The following SCN2B variants were observed in gnomAD, a reference collection of about 807,000 sequenced individuals.
SCN2B encodes the protein sodium channel regulatory subunit beta-2.
A neutral mutation model predicts 18.2 loss-of-function variants in SCN2B; 14 were observed. That is an observed-to-expected ratio of 0.77 (90% CI 0.51 to 1.21). SCN2B has a LOEUF of 1.21. Ranked by LOEUF, SCN2B falls within the 50% of genes most tolerant of loss-of-function variation. The pLI is 0.00. For synonymous variants in SCN2B, 115 were observed against 115.3 expected (o/e 1.00, Z 0.02); for missense variants, 262 against 286.9 (o/e 0.91, Z 0.63).
chr11:118,164,867 C>T lies in SCN2B; in HGVS notation c.*2020G>A, dbSNP rs1436011113. Reference sequence around the variant, plus strand: ...TGAATCTCCCAGATGATATTGCTGTCTCCCCAAATTGGCAATCTGATGGGC... The same window carrying T: ...TGAATCTCCCAGATGATATTGCTGTTTCCCCAAATTGGCAATCTGATGGGC... On this transcript the variant is annotated 3_prime_UTR_variant, in exon 4 of 4. Coordinates refer to ENST00000278947, the MANE Select transcript of SCN2B (RefSeq NM_004588.5). 6.5e-6 allele frequency: 1 copy of T among 152,818 alleles called. No individual in the cohort carries two copies. The highest frequency in any genetic ancestry group is 1.9e-4 in the East Asian group (1 of 5,186). The allele number at this position is 152,818 out of a possible 1,614,324, so 9.5% of individuals were successfully genotyped here.
chr11:118,171,233 TG>T (rs1948428872), intron 1 of SCN2B, among the ~76,000 whole-genome samples: 1 of 152,186 alleles, frequency 6.6e-6, no homozygotes, highest in African/African-American at 2.4e-5. Flanking sequence ...ATTCCAGGTG[TG>T]AGCTTAAGTG....
chr11:118,171,258 T>C (rs1948429134), intron 1 of SCN2B, among the ~76,000 whole-genome samples: 1 of 152,110 alleles, frequency 6.6e-6, no homozygotes, highest in Admixed American at 6.5e-5. Context: ...ATTAGGGGAA[T>C]AAGGACTGGG....
At chr11:118,171,109 T>C (rs1948427858) in intron 1 of SCN2B, among the ~76,000 whole-genome samples, 1 of 152,164 alleles carries the variant, frequency 6.6e-6, no homozygotes, top group Non-Finnish European at 1.5e-5. Context: ...AGAGATTCTC[T>C]GAACTGGCAG....
chr11:118,173,149 C>G (rs552586969), intron 1 of SCN2B, among the ~76,000 whole-genome samples: 1 of 152,282 alleles, frequency 6.6e-6, no homozygotes, highest in South Asian at 2.1e-4. Context: ...AGTCCAGGCT[C>G]CTGGGCACAG....
rs1948348678 is a variant in SCN2B at position 118,163,366 on chromosome 11, C to T, written c.*3521G>A. The stretch of plus-strand genomic sequence containing the variant: ...TCCTTTTGGACCTGCCCAGTATTTT[C>T]AATTGTCTGTCTGCTTAACCTGACC... On this transcript the variant is annotated 3_prime_UTR_variant, in exon 4 of 4. Coordinates refer to ENST00000278947, the MANE Select transcript of SCN2B (RefSeq NM_004588.5). 1 of 152,528 alleles carries T rather than the reference C, an allele frequency of 6.6e-6. No individual in the cohort carries two copies. The highest frequency in any genetic ancestry group is 2.1e-4 in the South Asian group (1 of 4,834). The allele number at this position is 152,528 out of a possible 1,614,324, so 9.4% of individuals were successfully genotyped here.
At chr11:118,167,353 A>G (rs779860346) in intron 3 of SCN2B, among the ~76,000 whole-genome samples, 9 of 152,354 alleles carry the variant, frequency 5.9e-5, no homozygotes, top group Non-Finnish European at 1.2e-4. Flanking sequence ...TTTGAGTCCT[A>G]ATTGTACAAC....
At chr11:118,174,095 T>TGTTTTTTTTTTTTTG (rs56848852) in intron 1 of SCN2B, among the ~76,000 whole-genome samples, 1 of 117,906 alleles carries the variant, frequency 8.5e-6, no homozygotes, top group African/African-American at 3.5e-5. Context: ...TCTTTTCTTT[T>TGTTTTTTTTTTTTTG]TTTTTTTTTT....
intron 1 of SCN2B, among the ~76,000 whole-genome samples, chr11:118,170,001 C>T (rs1316659217): frequency 3.9e-5 from 6 of 152,246 alleles, no homozygotes; most frequent in African/African-American, 1.4e-4. Flanking sequence ...CCTCAAGAAC[C>T]TTATCTCAGA....
intron 1 of SCN2B, among the ~76,000 whole-genome samples, chr11:118,173,334 C>T (rs991380061): frequency 1.1e-4 from 17 of 152,238 alleles, no homozygotes; most frequent in African/African-American, 3.4e-4. Flanking sequence ...GGTTGAGAAG[C>T]TCATTTGCCC....
chr11:118,169,211 T>C lies in SCN2B; in HGVS notation c.71-460A>G, dbSNP rs1199561831. Among the ~76,000 whole-genome samples, 4 of 152,094 alleles carry C rather than the reference T, an allele frequency of 2.6e-5. No individual in the cohort carries two copies. The South Asian group carries it at 6.2e-4, about 24-fold the overall frequency. The stretch of plus-strand genomic sequence containing the variant: ...AGAGAAACCAAATCGTCACATCATC[T>C]ATATCTGTCAAGCCAGGGGCAGCCA... On this transcript the variant is annotated intron_variant, in intron 1 of 3. Coordinates refer to ENST00000278947, the MANE Select transcript of SCN2B (RefSeq NM_004588.5).
chr11:118,168,475 A>G lies in SCN2B; in HGVS notation c.237+110T>C. 6.8e-7 allele frequency: 1 copy of G among 1,473,680 alleles called. No individual in the cohort carries two copies. Among genetic ancestry groups the G allele is most frequent in the Non-Finnish European group, 9.5e-7 (1 of 1,054,218 alleles). The allele number at this position is 1,473,680 out of a possible 1,614,324, so 91.3% of individuals were successfully genotyped here. On this transcript the variant is annotated intron_variant, in intron 2 of 3. Transcript: ENST00000278947. This position sits in a 1 kb window ranked among gnomAD's most constrained non-coding sequence, Gnocchi z 4.7. ...AGCCTCCAGAGCACGCAGCCCACCC[A>G]GGGTCCTCTGGGGCCCTAGCGCAGT...
At chr11:118,173,164 C>A (rs997121955) in intron 1 of SCN2B, among the ~76,000 whole-genome samples, 6 of 152,188 alleles carry the variant, frequency 3.9e-5, no homozygotes, top group Non-Finnish European at 5.9e-5. Flanking sequence ...GCACAGCTTC[C>A]AAGCCCTTTG....
rs1480290604 is a variant in SCN2B at position 118,163,451 on chromosome 11, G to A, written c.*3436C>T. 1.3e-5 allele frequency: 2 copies of A among 152,640 alleles called. No homozygotes were observed. The highest frequency in any genetic ancestry group is 1.9e-4 in the East Asian group (1 of 5,200). 9.5% of individuals were successfully genotyped at this position (152,640 alleles called of 1,614,324 possible). On this transcript the variant is annotated 3_prime_UTR_variant, in exon 4 of 4. Coordinates refer to ENST00000278947, the MANE Select transcript of SCN2B (RefSeq NM_004588.5). Reference sequence around the variant, plus strand: ...GACTCGCAGAGAGAAACATGGATCCGATCAGCTTTTCCTTTTTATAAACTG... The same window carrying A: ...GACTCGCAGAGAGAAACATGGATCCAATCAGCTTTTCCTTTTTATAAACTG...
rs1225628229 is a variant in SCN2B at position 118,163,918 on chromosome 11, G to A, written c.*2969C>T. 6.6e-6 allele frequency: 1 copy of A among 152,218 alleles called. No homozygotes were observed. Among genetic ancestry groups the A allele is most frequent in the African/African-American group, 2.4e-5 (1 of 41,444 alleles). 9.4% of individuals were successfully genotyped at this position (152,218 alleles called of 1,614,324 possible). A position where few individuals can be genotyped will look rare whatever the true frequency, so the allele number is the denominator to read the frequency against. ...TGCTCCCAACTTCACCATCCTGGGGGAGGCAGCTCTATGAGTCCTCTGGAG... is the reference window on the plus strand; with the variant it reads ...TGCTCCCAACTTCACCATCCTGGGGAAGGCAGCTCTATGAGTCCTCTGGAG... On this transcript the variant is annotated 3_prime_UTR_variant, in exon 4 of 4. Coordinates refer to ENST00000278947, the MANE Select transcript of SCN2B (RefSeq NM_004588.5).
chr11:118,168,104 A>G lies in SCN2B; in HGVS notation c.429T>C (p.His143=). Reference sequence around the variant, plus strand: ...CTTCACCTTCCATGAGGACCTGCAGATGGATCTTGCCATGGCCACGGTGGC... The same window carrying G: ...CTTCACCTTCCATGAGGACCTGCAGGTGGATCTTGCCATGGCCACGGTGGC... ...PDRHRGHGKI[H]LQVLMEEPPE... The change falls in exon 3 of 4, where the codon CAT becomes CAC. Residue 143 remains histidine (H), a synonymous_variant. Coordinates refer to ENST00000278947, the MANE Select transcript of SCN2B (RefSeq NM_004588.5). This position sits in a 1 kb window ranked among gnomAD's most constrained non-coding sequence, Gnocchi z 4.7. 6.2e-7 allele frequency: 1 copy of G among 1,614,050 alleles called. No individual in the cohort carries two copies. The highest frequency in any genetic ancestry group is 8.5e-7 in the Non-Finnish European group (1 of 1,179,976).
chr11:118,172,457 C>A (rs1050355941), intron 1 of SCN2B, among the ~76,000 whole-genome samples: 2 of 152,202 alleles, frequency 1.3e-5, no homozygotes, highest in African/African-American at 4.8e-5. Context: ...TGAAGTGAGC[C>A]CCATTCCAAG....
chr11:118,172,611 G>A (rs1434308967), intron 1 of SCN2B, among the ~76,000 whole-genome samples: 2 of 152,208 alleles, frequency 1.3e-5, no homozygotes, highest in African/African-American at 4.8e-5. Flanking sequence ...TCTGGGGCCT[G>A]TGTCTCCTGA....
At position 118,163,072 on chromosome 11, in the gene SCN2B, C is replaced by T. The variant is rs559793938; in HGVS notation, c.*3815G>A. On this transcript the variant is annotated 3_prime_UTR_variant, in exon 4 of 4. Transcript: ENST00000278947. The stretch of plus-strand genomic sequence containing the variant: ...TTGCCTTTGGTGAATCAACTCAAAA[C>T]ACTGAGAAGTTATTACACCTCCCCA... The T allele has an allele frequency of 1.3e-5, 2 of 152,752 alleles. No homozygotes were observed. Among genetic ancestry groups the T allele is most frequent in the East Asian group, 3.9e-4 (2 of 5,192 alleles). The allele number at this position is 152,752 out of a possible 1,614,324, so 9.5% of individuals were successfully genotyped here.
rs913640088 is a variant in SCN2B, at chr11:118,165,200, C to G, written c.*1687G>C. On this transcript the variant is annotated 3_prime_UTR_variant, in exon 4 of 4. Transcript: ENST00000278947. ...CCATCATAGACCAGGACACAGAGGC[C>G]CCTCCCACTGGGAAAATGATGGCTC... The G allele has an allele frequency of 1.3e-5, 2 of 152,598 alleles. No homozygotes were observed. Among genetic ancestry groups the G allele is most frequent in the African/African-American group, 4.8e-5 (2 of 41,450 alleles). The allele number at this position is 152,598 out of a possible 1,614,324, so 9.5% of individuals were successfully genotyped here.
Sources: gnomAD v4.1 joint callset for allele counts (sites outside exome capture counted in the v4.1 genomes callset) on GRCh38, gnomAD v4.1.1 for gene constraint, Gnocchi (gnomAD v3.1) non-coding constraint, MANE v1.5 for transcripts, NCBI Gene and HGNC (gene_info 2026-07-23, HGNC 2026-07-21) for gene names.